The following PTPRD variants were observed in gnomAD, a reference collection of about 807,000 sequenced individuals.
PTPRD encodes the protein protein tyrosine phosphatase receptor type D, also known as receptor-type tyrosine-protein phosphatase delta.
Under a neutral mutation model 214.5 loss-of-function variants are expected in PTPRD, and 34 were observed. That is an observed-to-expected ratio of 0.16 (90% confidence interval 0.12 to 0.21). The LOEUF (loss-of-function observed/expected upper bound fraction) is 0.21, where lower values mean the gene tolerates loss of function less well. Ranked by LOEUF, PTPRD falls within the 10% of genes least tolerant of loss-of-function variation. PTPRD has a pLI of 1.00. For synonymous variants in PTPRD, 1,128 were observed against 845.7 expected (o/e 1.33, Z -5.79); for missense variants, 2,545 against 2,398.7 (o/e 1.06, Z -1.27).
At chr9:9,888,254 G>T (rs946818300) in intron 5 of PTPRD, among the ~76,000 whole-genome samples, 30 of 152,166 alleles carry the variant, frequency 2.0e-4, no homozygotes, top group Non-Finnish European at 3.1e-4. Flanking sequence ...ATATTCCCAA[G>T]AAAGGTGTTC....
Position 8,632,828 on chromosome 9 carries a change from AT to A in PTPRD, c.352+488del, listed in dbSNP as rs772020826. ...AAGATAACAGACAAATAAAAAATGTATTTTTTTTCACATAAGACAGGTGCAT... is the reference window on the plus strand; with the variant it reads ...AAGATAACAGACAAATAAAAAATGTATTTTTTTCACATAAGACAGGTGCAT... On this transcript the variant is annotated intron_variant, in intron 14 of 45. Coordinates refer to ENST00000381196, the MANE Select transcript of PTPRD (RefSeq NM_002839.4). 2.0e-4 allele frequency among the ~76,000 whole-genome samples: 30 copies of A among 151,848 alleles called. No homozygotes were observed. In the South Asian group the frequency reaches 3.1e-3, roughly 16 times the overall value.
intron 8 of PTPRD, among the ~76,000 whole-genome samples, chr9:9,451,782 TA>T (rs1244475474): frequency 6.6e-6 from 1 of 151,328 alleles, no homozygotes; most frequent in Non-Finnish European, 1.5e-5. Flanking sequence ...TTTTTAGAAA[TA>T]AAAAATACAA....
chr9:9,906,489 G>A lies in PTPRD; in HGVS notation c.-368+32018C>T, dbSNP rs372988629. ...AGTAGGCAACTGGTTGAAGCTTTTCGTTTATTTTCTGTTACATGATGATAG... is the reference window on the plus strand; with the variant it reads ...AGTAGGCAACTGGTTGAAGCTTTTCATTTATTTTCTGTTACATGATGATAG... On this transcript the variant is annotated intron_variant, in intron 5 of 45. Coordinates refer to ENST00000381196, the MANE Select transcript of PTPRD (RefSeq NM_002839.4). Among the ~76,000 whole-genome samples the A allele has an allele frequency of 1.7e-3, 256 of 151,880 alleles. 2 individuals carry two copies. Among genetic ancestry groups the A allele is most frequent in the African/African-American group, 5.4e-3 (224 of 41,452 alleles).
At chr9:10,173,872 G>C (rs909076913) in intron 3 of PTPRD, among the ~76,000 whole-genome samples, 1 of 151,724 alleles carries the variant, frequency 6.6e-6, no homozygotes, top group African/African-American at 2.4e-5. Flanking sequence ...GTTAAACCTT[G>C]AATGTTAAAT....
At chr9:9,750,600 C>G (rs2098507499) in intron 6 of PTPRD, among the ~76,000 whole-genome samples, 3 of 152,134 alleles carry the variant, frequency 2.0e-5, no homozygotes, top group Admixed American at 2.0e-4. Context: ...GAAACTCTAA[C>G]TTCCTACAGA....
rs185146201 is a variant in PTPRD at position 9,040,888 on chromosome 9, T to G, written c.-142-22153A>C. Among the ~76,000 whole-genome samples the G allele has an allele frequency of 1.7e-4, 26 of 152,260 alleles. No individual in the cohort carries two copies. The East Asian group carries it at 4.6e-3, about 27-fold the overall frequency. Reference sequence around the variant, plus strand: ...AAGCTTTTGTTTATTATTTTTTCAGTGCTAAAGAAGAAATTCCCCAGCTTT... The same window carrying G: ...AAGCTTTTGTTTATTATTTTTTCAGGGCTAAAGAAGAAATTCCCCAGCTTT... On this transcript the variant is annotated intron_variant, in intron 10 of 45. Coordinates refer to ENST00000381196, the MANE Select transcript of PTPRD (RefSeq NM_002839.4).
chr9:8,707,004 T>C (rs540054573), intron 12 of PTPRD, among the ~76,000 whole-genome samples: 2 of 152,184 alleles, frequency 1.3e-5, no homozygotes, highest in Non-Finnish European at 2.9e-5. Flanking sequence ...GTTTTACTAT[T>C]TTATTACTTC....
At chr9:10,172,003 G>A (rs1379598326) in intron 3 of PTPRD, among the ~76,000 whole-genome samples, 1 of 152,062 alleles carries the variant, frequency 6.6e-6, no homozygotes, top group Non-Finnish European at 1.5e-5. Context: ...TACCATTCCA[G>A]CCTCATAAGA....
At chr9:8,616,982 T>C (rs1348777493) in intron 14 of PTPRD, among the ~76,000 whole-genome samples, 1 of 152,182 alleles carries the variant, frequency 6.6e-6, no homozygotes, top group Non-Finnish European at 1.5e-5. Context: ...ATTATCAGTG[T>C]ATAAAATGGC....
intron 10 of PTPRD, among the ~76,000 whole-genome samples, chr9:9,135,546 A>G (rs926747189): frequency 2.6e-5 from 4 of 152,136 alleles, no homozygotes; most frequent in Non-Finnish European, 5.9e-5. Context: ...ATGGCTTTCA[A>G]TGCTTTCTGT....
chr9:9,670,253 C>A (rs1213201260), intron 7 of PTPRD, among the ~76,000 whole-genome samples: 3 of 152,088 alleles, frequency 2.0e-5, no homozygotes, highest in South Asian at 2.1e-4. Flanking sequence ...ACCCAAATCT[C>A]ATCTTTGAAC....
intron 2 of PTPRD, among the ~76,000 whole-genome samples, chr9:10,390,563 G>C (rs1175667866): frequency 6.6e-6 from 1 of 151,812 alleles, no homozygotes; most frequent in African/African-American, 2.4e-5. Context: ...AATCTCAATA[G>C]AGTGGTCAGT....
At chr9:10,025,851 G>C (rs975604463) in intron 4 of PTPRD, among the ~76,000 whole-genome samples, 7 of 152,168 alleles carry the variant, frequency 4.6e-5, no homozygotes, top group Admixed American at 3.3e-4. Context: ...ATAAACACCT[G>C]TGCTACAGTT....
intron 8 of PTPRD, among the ~76,000 whole-genome samples, chr9:9,570,184 GTCTT>G (rs1563758795): frequency 6.6e-6 from 1 of 151,360 alleles, no homozygotes; most frequent in Admixed American, 6.6e-5. Context: ...TTTTACCCAC[GTCTT>G]TCTAACTGTA....
chr9:8,449,588 C>T (rs2095858193), intron 34 of PTPRD, 137 bp downstream of exon 34: 1 of 793,138 alleles, frequency 1.3e-6, no homozygotes, highest in South Asian at 3.0e-5. Flanking sequence ...TTGGGCAAGT[C>T]TCCATAATAG....
chr9:9,736,284 G>A (rs542473448), intron 6 of PTPRD, among the ~76,000 whole-genome samples: 15 of 152,188 alleles, frequency 9.9e-5, no homozygotes, highest in African/African-American at 3.6e-4. Context: ...TTGGAATCAT[G>A]TACTACATCT....
intron 9 of PTPRD, among the ~76,000 whole-genome samples, chr9:9,353,480 C>T (rs1008610477): frequency 6.6e-6 from 1 of 151,746 alleles, no homozygotes; most frequent in African/African-American, 2.4e-5. Flanking sequence ...ATTAGAAGGG[C>T]TGGGGCTGGG....
At chr9:8,764,732 T>A (rs958815446) in intron 11 of PTPRD, among the ~76,000 whole-genome samples, 1 of 151,606 alleles carries the variant, frequency 6.6e-6, no homozygotes, top group African/African-American at 2.4e-5. Flanking sequence ...GAGCTGGAGG[T>A]TGCAGTGAGC....
intron 9 of PTPRD, among the ~76,000 whole-genome samples, chr9:9,281,742 C>T (rs1045458351): frequency 6.6e-6 from 1 of 151,208 alleles, no homozygotes; most frequent in African/African-American, 2.4e-5. Flanking sequence ...CAATCACACT[C>T]CTTTGTATTT....
Sources: allele counts gnomAD v4.1 joint callset (sites outside exome capture counted in the v4.1 genomes callset), GRCh38; gene constraint gnomAD v4.1.1; transcripts MANE v1.5; gene names NCBI Gene and HGNC (gene_info 2026-07-23, HGNC 2026-07-21).